The following FRMD4A variants were observed in gnomAD, a reference collection of about 807,000 sequenced individuals.
FRMD4A encodes the protein FERM domain containing 4A, also known as FERM domain-containing protein 4A.
A neutral mutation model predicts 129.1 loss-of-function variants in FRMD4A; 29 were observed. That is an observed-to-expected ratio of 0.22 (90% CI 0.17 to 0.31). The LOEUF is 0.31. Among genes scored for constraint, FRMD4A ranks in the 10% least tolerant of loss-of-function variants. The pLI is 1.00. For missense variants in FRMD4A, 1,272 were observed against 1,375.8 expected, an observed-to-expected ratio of 0.92 and a Z score of 1.19; for synonymous variants, 634 against 571.6, an observed-to-expected ratio of 1.11 and a Z score of -1.56.
chr10:13,707,558 G>T (rs1420814146), intron 12 of FRMD4A: 1 of 993,874 alleles, frequency 1.0e-6, no homozygotes, highest in Admixed American at 5.5e-5. Context: ...TCTGCGTGGA[G>T]TGCTGAACTG....
chr10:14,238,174 C>A (rs1465923714), intron 2 of FRMD4A, among the ~76,000 whole-genome samples: 1 of 152,254 alleles, frequency 6.6e-6, no homozygotes. Context: ...GGGCCAGGCA[C>A]TGTACTAAGC....
chr10:13,672,429 AT>A (rs894104154), intron 16 of FRMD4A, among the ~76,000 whole-genome samples: 106 of 146,696 alleles, frequency 7.2e-4, no homozygotes, highest in South Asian at 1.5e-3. Flanking sequence ...TCAGGACTTG[AT>A]TTTTTTTTTT....
intron 2 of FRMD4A, among the ~76,000 whole-genome samples, chr10:13,957,766 T>C (rs2095418491): frequency 1.3e-5 from 2 of 152,142 alleles, no homozygotes; most frequent in African/African-American, 4.8e-5. Context: ...AGTTTTCCAT[T>C]CCATTTATTC....
At chr10:14,212,156 C>T (rs141684773) in intron 2 of FRMD4A, among the ~76,000 whole-genome samples, 2,221 of 152,266 alleles carry the variant, frequency 0.015, 58 homozygotes, top group African/African-American at 0.05. Context: ...CCCAGCACCA[C>T]ACCCCTCACC....
Position 13,660,551 on chromosome 10 carries a change from C to A in FRMD4A, c.1663G>T (p.Asp555Tyr), listed in dbSNP as rs773009049. Residue 555 changes from aspartate (D) to tyrosine (Y), a missense_variant and splice_region_variant, in exon 20 of 25, where the codon GAC (aspartate) becomes TAC (tyrosine). Coordinates refer to ENST00000357447, the MANE Select transcript of FRMD4A (RefSeq NM_018027.5). ...GATATTGTGCTGGTAACCTGAGAGTCTTCTGCACAAAGACAGGAAGAGAGG... is the reference window on the plus strand; with the variant it reads ...GATATTGTGCTGGTAACCTGAGAGTATTCTGCACAAAGACAGGAAGAGAGG... The part of the protein sequence containing the change: ...LSDALVLEDE[D>Y]SQVTSTISPL... 6.3e-7 allele frequency: 1 copy of A among 1,580,454 alleles called. No homozygotes were observed. Among genetic ancestry groups the A allele is most frequent in the South Asian group, 1.1e-5 (1 of 89,118 alleles).
At chr10:13,914,964 G>T (rs2094983833) in intron 2 of FRMD4A, among the ~76,000 whole-genome samples, 1 of 152,064 alleles carries the variant, frequency 6.6e-6, no homozygotes, top group African/African-American at 2.4e-5. Flanking sequence ...CAGTGAGCTA[G>T]GAATGCACCA....
At chr10:13,873,189 A>G (rs1263974812) in intron 2 of FRMD4A, among the ~76,000 whole-genome samples, 25 of 43,948 alleles carry the variant, frequency 5.7e-4, no homozygotes, top group African/African-American at 1.7e-3. Flanking sequence ...AAAAAATAAA[A>G]TAAAATAAAA....
chr10:13,697,527 T>C (rs2086344504), intron 14 of FRMD4A, among the ~76,000 whole-genome samples: 1 of 152,098 alleles, frequency 6.6e-6, no homozygotes, highest in African/African-American at 2.4e-5. Flanking sequence ...ATGGGCATTG[T>C]CGGGGAGAGT....
At chr10:13,941,553 G>C (rs1006448041) in intron 2 of FRMD4A, among the ~76,000 whole-genome samples, 2 of 152,204 alleles carry the variant, frequency 1.3e-5, no homozygotes, top group Non-Finnish European at 2.9e-5. Flanking sequence ...AACAGGGTAA[G>C]AGAAGAGTCT....
intron 5 of FRMD4A, among the ~76,000 whole-genome samples, chr10:13,785,689 G>C (rs2092837191): frequency 6.6e-6 from 1 of 152,086 alleles, no homozygotes; most frequent in Admixed American, 6.5e-5. Flanking sequence ...TGTTACGTAT[G>C]TATACATATG....
At chr10:13,850,856 T>C (rs773631342) in intron 3 of FRMD4A, among the ~76,000 whole-genome samples, 50 of 152,244 alleles carry the variant, frequency 3.3e-4, no homozygotes, top group Non-Finnish European at 5.9e-4. Flanking sequence ...AATTTCTGTT[T>C]GCTTGGCACC....
intron 2 of FRMD4A, chr10:13,890,830 C>A: frequency 1.0e-6 from 1 of 985,312 alleles, no homozygotes; most frequent in Non-Finnish European, 1.2e-6. Flanking sequence ...ATGAGGATGT[C>A]TATTAAGAAG....
intron 2 of FRMD4A, among the ~76,000 whole-genome samples, chr10:13,995,321 C>T (rs1016500178): frequency 1.1e-4 from 17 of 152,220 alleles, no homozygotes; most frequent in African/African-American, 4.1e-4. Context: ...TGGTGGATCA[C>T]ACCTGTAATC....
At chr10:13,963,269 C>CTT (rs142764391) in intron 2 of FRMD4A, among the ~76,000 whole-genome samples, 98 of 116,792 alleles carry the variant, frequency 8.4e-4, no homozygotes, top group African/African-American at 2.9e-3. Context: ...GTGCAAGCCT[C>CTT]TTTTTTTTTT....
At chr10:13,984,393 C>T (rs1053813773) in intron 2 of FRMD4A, among the ~76,000 whole-genome samples, 44 of 152,130 alleles carry the variant, frequency 2.9e-4, no homozygotes, top group African/African-American at 8.9e-4. Flanking sequence ...GTAAAATATA[C>T]GTAATACAAA....
At chr10:14,101,214 A>G (rs1442672393) in intron 2 of FRMD4A, among the ~76,000 whole-genome samples, 1 of 152,198 alleles carries the variant, frequency 6.6e-6, no homozygotes, top group Non-Finnish European at 1.5e-5. Context: ...CTGTGATTTC[A>G]TAATCCTCTT....
intron 2 of FRMD4A, among the ~76,000 whole-genome samples, chr10:14,122,374 A>G (rs1838576557): frequency 1.3e-5 from 2 of 152,136 alleles, no homozygotes; most frequent in Non-Finnish European, 2.9e-5. Context: ...AATTGTACAT[A>G]CTCATGGGGT....
chr10:13,897,492 G>A (rs939883409), intron 2 of FRMD4A, among the ~76,000 whole-genome samples: 1 of 152,158 alleles, frequency 6.6e-6, no homozygotes, highest in East Asian at 1.9e-4. Context: ...CCCAAAAGAA[G>A]GAAGAGAGAA....
intron 2 of FRMD4A, among the ~76,000 whole-genome samples, chr10:13,960,036 AG>A (rs1207731439): frequency 6.6e-6 from 1 of 152,298 alleles, no homozygotes. Flanking sequence ...TAGGAGGGGC[AG>A]CCCCCGCCTT....
Sources: gnomAD v4.1 joint callset for allele counts (sites outside exome capture counted in the v4.1 genomes callset) on GRCh38, gnomAD v4.1.1 for gene constraint, MANE v1.5 for transcripts, NCBI Gene and HGNC (gene_info 2026-07-23, HGNC 2026-07-21) for gene names.